Variants in MPPED2 observed in about 807,000 individuals in gnomAD.
The protein encoded by MPPED2 is metallophosphoesterase domain containing 2.
MPPED2 carries 5 observed loss-of-function variants against 33.0 expected under a neutral mutation model. The ratio of observed to expected loss-of-function variants is 0.15; its 90% CI spans 0.08 to 0.32. The LOEUF (loss-of-function observed/expected upper bound fraction) is 0.32. MPPED2 is among the 10% of genes least tolerant of loss of function. The pLI is 1.00. For missense variants in MPPED2, 275 were observed against 372.1 expected, an observed-to-expected ratio of 0.74 and a Z score of 2.15; for synonymous variants, 136 against 141.9, an observed-to-expected ratio of 0.96 and a Z score of 0.29.
At position 30,453,427 on chromosome 11, in the gene MPPED2, G is replaced by A. The variant is rs545763305; in HGVS notation, c.537-35794C>T. On this transcript the variant is annotated intron_variant, in intron 4 of 6. Transcript: ENST00000358117. ...CCAGGAGCCCTAGCAAAATGAAGACGGAGACCACTTTATTTTATTTCTGGG... is the reference window on the plus strand; with the variant it reads ...CCAGGAGCCCTAGCAAAATGAAGACAGAGACCACTTTATTTTATTTCTGGG... 3.0e-4 allele frequency among the ~76,000 whole-genome samples: 45 copies of A among 152,220 alleles called. 3 individuals carry two copies. In the South Asian group the frequency reaches 8.3e-3, roughly 28 times the overall value.
chr11:30,454,610 G>A (rs781681973), intron 4 of MPPED2, among the ~76,000 whole-genome samples: 1 of 151,818 alleles, frequency 6.6e-6, no homozygotes, highest in East Asian at 1.9e-4. Flanking sequence ...AACATAAAAA[G>A]CGTTTGCAAT....
chr11:30,451,419 C>A (rs151254104), intron 4 of MPPED2, among the ~76,000 whole-genome samples: 1 of 152,196 alleles, frequency 6.6e-6, no homozygotes, highest in East Asian at 1.9e-4. Context: ...AGAGCTCAGA[C>A]TGAGGGATGT....
At chr11:30,487,940 A>G (rs1275283112) in intron 4 of MPPED2, among the ~76,000 whole-genome samples, 2 of 152,078 alleles carry the variant, frequency 1.3e-5, no homozygotes, top group Non-Finnish European at 2.9e-5. Context: ...GAAAACGTCC[A>G]GGTCTTCTAA....
Position 30,472,758 on chromosome 11 carries a change from A to G in MPPED2, c.536+22538T>C, listed in dbSNP as rs1951005039. Among the ~76,000 whole-genome samples the G allele has an allele frequency of 1.3e-5, 2 of 152,214 alleles. 1 individual carries two copies. The highest frequency in any genetic ancestry group is 3.9e-4 in the East Asian group (2 of 5,190). ...GAATGGTGGTTACTCGGGGCTGGGTAAGAAGGAAATGGGAGCTAGAGAACT... is the reference window on the plus strand; with the variant it reads ...GAATGGTGGTTACTCGGGGCTGGGTGAGAAGGAAATGGGAGCTAGAGAACT... On this transcript the variant is annotated intron_variant, in intron 4 of 6. Transcript: ENST00000358117.
downstream of MPPED2, among the ~76,000 whole-genome samples, chr11:30,408,160 C>T (rs1262505584): frequency 6.6e-6 from 1 of 152,226 alleles, no homozygotes; most frequent in East Asian, 1.9e-4. Flanking sequence ...TGGGCAGCCA[C>T]ACTGTCCCAA....
intron 4 of MPPED2, among the ~76,000 whole-genome samples, chr11:30,486,488 C>T (rs1010815985): frequency 9.2e-5 from 14 of 152,106 alleles, no homozygotes; most frequent in African/African-American, 2.2e-4. Context: ...GTCTAGCTTC[C>T]GACCAATCTC....
At chr11:30,581,826 C>A (rs76555583) in intron 1 of MPPED2, among the ~76,000 whole-genome samples, 3,001 of 152,262 alleles carry the variant, frequency 0.02, 90 homozygotes, top group African/African-American at 0.065. Flanking sequence ...ACCCACCTTG[C>A]CTGCCTTCCT....
rs189220877 is a variant in MPPED2 at position 30,397,112 on chromosome 11, T to C, written c.767-8156A>G. 4.2e-3 allele frequency among the ~76,000 whole-genome samples: 642 copies of C among 152,318 alleles called. 3 individuals carry two copies. Among genetic ancestry groups the C allele is most frequent in the Middle Eastern group, 0.01 (3 of 294 alleles). The stretch of plus-strand genomic sequence containing the variant: ...TAAAAACCAACAATATTGTGGGTTG[T>C]GATTCAGAAAATATTATTTACTGTG... On this transcript the variant is annotated intron_variant, in intron 6 of 6. Coordinates refer to the MPPED2 transcript ENST00000448418.
chr11:30,458,864 C>A (rs979632134), intron 4 of MPPED2, among the ~76,000 whole-genome samples: 1 of 145,258 alleles, frequency 6.9e-6, no homozygotes, highest in Non-Finnish European at 1.5e-5. Context: ...TAACTACGGA[C>A]ATCTAGAGAC....
rs757495479 is a variant in MPPED2 at position 30,536,185 on chromosome 11, A to G, written c.129-10T>C. 2 of 1,578,146 alleles carry G rather than the reference A, an allele frequency of 1.3e-6. No homozygotes were observed. The highest frequency in any genetic ancestry group is 1.7e-6 in the Non-Finnish European group (2 of 1,164,376). On this transcript the variant is annotated splice_polypyrimidine_tract_variant and intron_variant, in intron 2 of 6. Coordinates refer to ENST00000358117, the MANE Select transcript of MPPED2 (RefSeq NM_001584.3). ...TGGGATGGGGTCGACCCTAAAGTAG[A>G]CATAACAGATCCCATAACAGTTAAA...
chr11:30,434,470 A>G (rs1949229618), intron 4 of MPPED2, among the ~76,000 whole-genome samples: 1 of 152,192 alleles, frequency 6.6e-6, no homozygotes, highest in Admixed American at 6.5e-5. Context: ...GGAAGTAACA[A>G]CTGGATCCAC....
intron 3 of MPPED2, among the ~76,000 whole-genome samples, chr11:30,529,384 A>T (rs575262938): frequency 2.0e-5 from 3 of 152,340 alleles, no homozygotes; most frequent in Non-Finnish European, 4.4e-5. Context: ...TGTGTATCTT[A>T]CAATGAAAGT....
intron 3 of MPPED2, among the ~76,000 whole-genome samples, chr11:30,528,604 GA>G (rs1954339038): frequency 6.6e-6 from 1 of 152,228 alleles, no homozygotes; most frequent in South Asian, 2.1e-4. Context: ...TTCATAATTA[GA>G]AAATCGTTTA....
intron 6 of MPPED2, among the ~76,000 whole-genome samples, chr11:30,394,366 C>G (rs1394011914): frequency 6.6e-6 from 1 of 152,184 alleles, no homozygotes. Context: ...CCAGGAGGCT[C>G]TACCATTTTT....
At chr11:30,426,905 C>A (rs550527942) in intron 4 of MPPED2, among the ~76,000 whole-genome samples, 30 of 152,244 alleles carry the variant, frequency 2.0e-4, no homozygotes, top group African/African-American at 6.3e-4. Flanking sequence ...TAAGGCCCTG[C>A]AGCTGAAACC....
At chr11:30,451,659 G>A (rs1950070047) in intron 4 of MPPED2, 3 of 932,968 alleles carry the variant, frequency 3.2e-6, no homozygotes, top group Non-Finnish European at 3.8e-6. Flanking sequence ...TATTTCAAAT[G>A]TTCACTTAAC....
chr11:30,559,084 C>T (rs1956124481), intron 2 of MPPED2, among the ~76,000 whole-genome samples: 3 of 152,100 alleles, frequency 2.0e-5, no homozygotes, highest in Admixed American at 1.3e-4. Flanking sequence ...GAAATATTAT[C>T]CAGAGAATTT....
intron 3 of MPPED2, among the ~76,000 whole-genome samples, chr11:30,502,965 C>T (rs985189192): frequency 6.6e-6 from 1 of 152,094 alleles, no homozygotes; most frequent in African/African-American, 2.4e-5. Flanking sequence ...AACCAAAATC[C>T]AAGGTCAATT....
chr11:30,431,908 C>T (rs1949094312), intron 4 of MPPED2, among the ~76,000 whole-genome samples: 1 of 152,162 alleles, frequency 6.6e-6, no homozygotes, highest in South Asian at 2.1e-4. Context: ...GGCACGGTGG[C>T]TCACGCCTGT....
Sources: allele counts gnomAD v4.1 joint callset (sites outside exome capture counted in the v4.1 genomes callset), GRCh38; gene constraint gnomAD v4.1.1; transcripts MANE v1.5; gene names NCBI Gene and HGNC (gene_info 2026-07-23, HGNC 2026-07-21).